The following LRCH3 variants were observed in gnomAD, a reference collection of about 807,000 sequenced individuals.
The protein encoded by LRCH3 is DISP complex protein LRCH3.
A neutral mutation model predicts 104.5 loss-of-function variants in LRCH3; 68 were observed. The ratio of observed to expected loss-of-function variants is 0.65; its 90% CI spans 0.54 to 0.80. The LOEUF (loss-of-function observed/expected upper bound fraction) is 0.80, where lower values mean the gene tolerates loss of function less well. LRCH3 is among the 30% of genes least tolerant of loss of function. The pLI is 0.00. For missense variants in LRCH3, 951 were observed against 953.9 expected, an observed-to-expected ratio of 1.00 and a Z score of 0.04; for synonymous variants, 344 against 361.3, an observed-to-expected ratio of 0.95 and a Z score of 0.54.
rs1036421602 is a variant in LRCH3, at chr3:197,885,312, A to G, written c.*1646A>G. The G allele has an allele frequency of 1.3e-5, 2 of 152,216 alleles. No homozygotes were observed. Among genetic ancestry groups the G allele is most frequent in the African/African-American group, 2.4e-5 (1 of 41,446 alleles). The allele number at this position is 152,216 out of a possible 1,614,324, so 9.4% of individuals were successfully genotyped here. On this transcript the variant is annotated 3_prime_UTR_variant, in exon 21 of 21. Coordinates refer to ENST00000425562, the MANE Select transcript of LRCH3 (RefSeq NM_001365715.1). ...CCAGTTTCTGTGGCTGAATTTAAGC[A>G]CTTACAGCATCTTCCTAGCTGGGTG...
At chr3:197,827,531 G>T (rs189275480) in intron 5 of LRCH3, among the ~76,000 whole-genome samples, 1 of 152,152 alleles carries the variant, frequency 6.6e-6, no homozygotes, top group Non-Finnish European at 1.5e-5. Flanking sequence ...TTTATCATTC[G>T]GTTAGAAAAT....
intron 1 of LRCH3, among the ~76,000 whole-genome samples, chr3:197,793,216 C>G (rs1730828993): frequency 6.6e-6 from 1 of 152,150 alleles, no homozygotes; most frequent in Non-Finnish European, 1.5e-5. Flanking sequence ...AACTGTTAAA[C>G]TAAAGAAGCG....
chr3:197,872,188 C>T (rs1172652185), intron 19 of LRCH3, among the ~76,000 whole-genome samples: 2 of 151,290 alleles, frequency 1.3e-5, no homozygotes, highest in Non-Finnish European at 2.9e-5. Context: ...AAAACCCCGT[C>T]TCTACCAAAA....
chr3:197,811,783 A>G (rs575307449), intron 1 of LRCH3, among the ~76,000 whole-genome samples: 1 of 152,320 alleles, frequency 6.6e-6, no homozygotes, highest in South Asian at 2.1e-4. Context: ...GAAGGAAAGA[A>G]GTTACTAACT....
At position 197,815,029 on chromosome 3, in the gene LRCH3, A is replaced by G; in HGVS notation, c.384A>G (p.Gln128=). ...TTCCAGAGGCAATTTTAAACCTACA[A>G]GCTCTAACATTCTTAAATATTAGGT... ...RYIPEAILNL[Q]ALTFLNISRN... is the part of the protein sequence containing the mutation. Residue 128 remains glutamine (Q), a synonymous_variant, in exon 2 of 21, where the codon CAA becomes CAG. Coordinates refer to ENST00000425562, the MANE Select transcript of LRCH3 (RefSeq NM_001365715.1). 1 of 1,528,412 alleles carries G rather than the reference A, an allele frequency of 6.5e-7. No homozygotes were observed. Among genetic ancestry groups the G allele is most frequent in the Middle Eastern group, 1.8e-4 (1 of 5,678 alleles). 94.7% of individuals were successfully genotyped at this position (1,528,412 alleles called of 1,614,324 possible).
intron 20 of LRCH3, among the ~76,000 whole-genome samples, chr3:197,879,992 C>T (rs1041835825): frequency 4.7e-5 from 7 of 150,450 alleles, no homozygotes; most frequent in Admixed American, 1.3e-4. Context: ...GTCACCCAGG[C>T]TGGAGTGCGG....
chr3:197,791,703 G>T (rs905426026), intron 1 of LRCH3, among the ~76,000 whole-genome samples, 163 bp downstream of exon 1: 1 of 152,114 alleles, frequency 6.6e-6, no homozygotes, highest in Non-Finnish European at 1.5e-5. Context: ...CTCCGGGCCT[G>T]CGCCAGACCC....
intron 13 of LRCH3, among the ~76,000 whole-genome samples, chr3:197,853,216 G>A (rs1412925621): frequency 1.3e-5 from 2 of 151,506 alleles, no homozygotes; most frequent in African/African-American, 4.9e-5. Context: ...TTGAGACAGA[G>A]TCTCACTTTG....
intron 9 of LRCH3, among the ~76,000 whole-genome samples, chr3:197,837,130 T>C (rs1033681939): frequency 3.3e-5 from 5 of 152,200 alleles, no homozygotes; most frequent in Admixed American, 2.0e-4. Context: ...GAGATGGCAG[T>C]GTACTAGGTG....
intron 3 of LRCH3, 138 bp from the exon 4 acceptor site, chr3:197,820,187 C>T: frequency 1.5e-6 from 1 of 649,386 alleles, no homozygotes; most frequent in East Asian, 2.8e-5. Context: ...TGTAGGTAGT[C>T]TCTTTTCAGA....
chr3:197,858,222 A>G (rs1740499056), intron 14 of LRCH3, among the ~76,000 whole-genome samples: 1 of 152,140 alleles, frequency 6.6e-6, no homozygotes, highest in Non-Finnish European at 1.5e-5. Flanking sequence ...TTTTTAATTG[A>G]CAATAATTAT....
intron 8 of LRCH3, among the ~76,000 whole-genome samples, chr3:197,832,857 G>C (rs548582307): frequency 6.6e-6 from 1 of 151,818 alleles, no homozygotes; most frequent in African/African-American, 2.4e-5. Flanking sequence ...CTTGATTTTC[G>C]CATTCAATTC....
rs762539091 is a variant in LRCH3, at chr3:197,791,385, C to A, written c.107C>A (p.Ala36Glu). 4 of 1,597,246 alleles carry A rather than the reference C, an allele frequency of 2.5e-6. No individual in the cohort carries two copies. Among genetic ancestry groups the A allele is most frequent in the South Asian group, 2.3e-5 (2 of 88,564 alleles). ...GTTCACTGCGGCCCAAGCTCCGGGGCAGGCCCTGGTTTTGGCCCGGGCTCG... is the reference window on the plus strand; with the variant it reads ...GTTCACTGCGGCCCAAGCTCCGGGGAAGGCCCTGGTTTTGGCCCGGGCTCG... ...PGVHCGPSSG[A>E]GPGFGPGSWS... The change falls in exon 1 of 21, where the codon GCA becomes GAA. Residue 36 changes from alanine to glutamate, a missense_variant. Ala to Glu is a moderately radical substitution (Grantham distance 107). Coordinates refer to ENST00000425562, the MANE Select transcript of LRCH3 (RefSeq NM_001365715.1).
In LRCH3 at chr3:197,810,088, G is replaced by T. The variant is rs553075495; in HGVS notation, c.263-4820G>T. ...TTCCAGTTTTTTTCTGAGATATTTG[G>T]GTGGAATAGAGCAGTTATTATCTAA... is the stretch of plus-strand genomic sequence containing the variant. On this transcript the variant is annotated intron_variant, in intron 1 of 20. Transcript: ENST00000425562. The surrounding 1 kb of genome is among the most constrained non-coding windows in gnomAD (Gnocchi z 4.0). Among the ~76,000 whole-genome samples, 35 of 152,130 alleles carry T rather than the reference G, an allele frequency of 2.3e-4. No individual in the cohort carries two copies. The highest frequency in any genetic ancestry group is 3.4e-3 in the Middle Eastern group (1 of 294).
intron 19 of LRCH3, 53 bp from the exon 20 acceptor site, chr3:197,875,645 C>T: frequency 7.2e-7 from 1 of 1,386,942 alleles, no homozygotes; most frequent in Non-Finnish European, 9.9e-7. Flanking sequence ...CAGTGAGACC[C>T]TGTCCCAGAA....
chr3:197,859,947 T>C (rs1463596586), intron 15 of LRCH3, among the ~76,000 whole-genome samples: 2 of 152,350 alleles, frequency 1.3e-5, no homozygotes, highest in East Asian at 3.9e-4. Flanking sequence ...GGCTTCATGG[T>C]CCAAACTAGA....
chr3:197,825,673 G>C (rs983388617), intron 4 of LRCH3, among the ~76,000 whole-genome samples: 2 of 151,168 alleles, frequency 1.3e-5, no homozygotes, highest in Non-Finnish European at 2.9e-5. Context: ...TAGAGACGGG[G>C]TCTCACCGTG....
chr3:197,827,618 C>A (rs1735377302), intron 5 of LRCH3, among the ~76,000 whole-genome samples: 1 of 152,082 alleles, frequency 6.6e-6, no homozygotes, highest in African/African-American at 2.4e-5. Context: ...GATAATGTTT[C>A]CAGAAGTATT....
chr3:197,875,585 T>G (rs1241609388), intron 19 of LRCH3, 113 bp from the exon 20 acceptor site: 2 of 697,520 alleles, frequency 2.9e-6, no homozygotes, highest in Non-Finnish European at 4.8e-6. Flanking sequence ...GCCTGGGAGG[T>G]CAATGATACA....
Sources: allele counts gnomAD v4.1 joint callset (sites outside exome capture counted in the v4.1 genomes callset), GRCh38; gene constraint gnomAD v4.1.1; non-coding constraint Gnocchi (gnomAD v3.1); transcripts MANE v1.5; gene names NCBI Gene and HGNC (gene_info 2026-07-23, HGNC 2026-07-21).